LRRC8C: variants seen among roughly 807,000 people sequenced by gnomAD.
The protein encoded by LRRC8C is volume-regulated anion channel subunit LRRC8C.
In LRRC8C, 20 loss-of-function variants were observed where a neutral mutation model predicts 55.3. That is an observed-to-expected ratio of 0.36 (90% CI 0.25 to 0.53). LRRC8C has a LOEUF of 0.53. LRRC8C is among the 20% of genes least tolerant of loss of function. LRRC8C has a pLI of 0.92. For missense variants in LRRC8C, 659 were observed against 951.4 expected (o/e 0.69, Z 4.04); for synonymous variants, 376 against 360.7 (o/e 1.04, Z -0.48).
At chr1:89,662,701 C>A (rs1657151893) in intron 1 of LRRC8C, among the ~76,000 whole-genome samples, 1 of 152,024 alleles carries the variant, frequency 6.6e-6, no homozygotes, top group South Asian at 2.1e-4. Flanking sequence ...CCCTAAACTC[C>A]AGTAAGGGAC....
intron 1 of LRRC8C, among the ~76,000 whole-genome samples, chr1:89,677,853 C>G (rs1234605019): frequency 1.3e-5 from 2 of 152,202 alleles, no homozygotes; most frequent in Admixed American, 1.3e-4. Context: ...CAATAAAACA[C>G]AATCTACAGT....
At chr1:89,666,598 G>T (rs1657272005) in intron 1 of LRRC8C, among the ~76,000 whole-genome samples, 18 of 152,022 alleles carry the variant, frequency 1.2e-4, no homozygotes, top group Admixed American at 1.2e-3. Context: ...CCTAAACAGG[G>T]TGCAGGTATC....
At chr1:89,703,063 A>G (rs1002468536) in intron 2 of LRRC8C, among the ~76,000 whole-genome samples, 2 of 152,200 alleles carry the variant, frequency 1.3e-5, no homozygotes, top group African/African-American at 2.4e-5. Context: ...TTGAAGAAAT[A>G]TTTGCTTTAA....
In LRRC8C at chr1:89,651,193, T is replaced by G. The variant is rs143683803; in HGVS notation, c.-5+17871T>G. Among the ~76,000 whole-genome samples the G allele has an allele frequency of 2.1e-3, 320 of 152,290 alleles. 1 individual carries two copies. Among genetic ancestry groups the G allele is most frequent in the African/African-American group, 5.0e-3 (209 of 41,568 alleles). On this transcript the variant is annotated intron_variant, in intron 1 of 2. Coordinates refer to ENST00000370454, the MANE Select transcript of LRRC8C (RefSeq NM_032270.5). ...AAGCTGTGGCCCATGCATTTTGAGT[T>G]AGTGCAAACTGTTTTGGTATGGCCC...
chr1:89,655,006 C>T (rs1656901560), intron 1 of LRRC8C, among the ~76,000 whole-genome samples: 1 of 151,880 alleles, frequency 6.6e-6, no homozygotes, highest in Non-Finnish European at 1.5e-5. Context: ...CCATGCCCAG[C>T]TAGTCAGCAG....
chr1:89,709,950 A>G (rs867807810), intron 2 of LRRC8C, among the ~76,000 whole-genome samples: 15 of 151,818 alleles, frequency 9.9e-5, no homozygotes, highest in Non-Finnish European at 1.6e-4. Flanking sequence ...ACGGGGTTTC[A>G]CCGTGTTAGC....
At chr1:89,662,815 C>T (rs1056243924) in intron 1 of LRRC8C, among the ~76,000 whole-genome samples, 6 of 151,950 alleles carry the variant, frequency 3.9e-5, no homozygotes, top group African/African-American at 1.5e-4. Flanking sequence ...TATTATTTTC[C>T]TATGTTTCTT....
intron 1 of LRRC8C, among the ~76,000 whole-genome samples, chr1:89,650,582 C>T (rs1350442575): frequency 6.6e-6 from 1 of 152,044 alleles, no homozygotes; most frequent in African/African-American, 2.4e-5. Context: ...GGATATATTG[C>T]TCTACCTTTC....
chr1:89,705,704 C>T (rs1037557265), intron 2 of LRRC8C, among the ~76,000 whole-genome samples: 8 of 151,918 alleles, frequency 5.3e-5, no homozygotes, highest in Non-Finnish European at 7.4e-5. Flanking sequence ...TTCTTTAACC[C>T]GGGAGGTGGA....
the LRRC8C span, among the ~76,000 whole-genome samples, chr1:89,618,604 G>A: frequency 6.6e-6 from 1 of 152,218 alleles, no homozygotes; most frequent in Non-Finnish European, 1.5e-5. Flanking sequence ...AAAACTAGAG[G>A]AGAGACGTGG....
At chr1:89,700,974 A>T (rs1002041391) in intron 2 of LRRC8C, among the ~76,000 whole-genome samples, 4 of 152,204 alleles carry the variant, frequency 2.6e-5, no homozygotes, top group African/African-American at 9.6e-5. Flanking sequence ...TCTTCCTATA[A>T]CAATATAATC....
At chr1:89,638,917 T>C (rs151006071) in intron 1 of LRRC8C, among the ~76,000 whole-genome samples, 311 of 152,040 alleles carry the variant, frequency 2.0e-3, no homozygotes, top group African/African-American at 7.1e-3. Context: ...TAAATTGGTA[T>C]GTCTCTATTA....
intron 2 of LRRC8C, among the ~76,000 whole-genome samples, chr1:89,700,971 A>G (rs1570735767): frequency 6.6e-6 from 1 of 152,208 alleles, no homozygotes; most frequent in South Asian, 2.1e-4. Flanking sequence ...TCCTCTTCCT[A>G]TAACAATATA....
chr1:89,665,166 G>A (rs528369320), intron 1 of LRRC8C, among the ~76,000 whole-genome samples: 112 of 152,294 alleles, frequency 7.4e-4, no homozygotes, highest in African/African-American at 1.4e-3. Context: ...CCGATACTAC[G>A]TTGAATAGGA....
At chr1:89,647,547 G>A (rs989593380) in intron 1 of LRRC8C, among the ~76,000 whole-genome samples, 6 of 152,070 alleles carry the variant, frequency 3.9e-5, no homozygotes, top group Non-Finnish European at 7.4e-5. Context: ...TTGACTTGCC[G>A]CTTCTGAAAG....
intron 1 of LRRC8C, among the ~76,000 whole-genome samples, chr1:89,651,229 A>C (rs925963037): frequency 1.3e-5 from 2 of 152,164 alleles, no homozygotes; most frequent in African/African-American, 4.8e-5. Flanking sequence ...ACTTGCTGAG[A>C]TTGGCTTTTC....
In LRRC8C at chr1:89,718,768, G is replaced by A. The variant is rs1279129976; in HGVS notation, c.*3786G>A. The A allele has an allele frequency of 6.6e-6, 1 of 152,184 alleles. No homozygotes were observed. 9.4% of individuals were successfully genotyped at this position (152,184 alleles called of 1,614,324 possible). A position where few individuals can be genotyped will look rare whatever the true frequency, so the allele number is the denominator to read the frequency against. ...TCCTATGAATTCTGAATGTGATAATGTGATTCAAACAGTCAAATTTTATTA... is the reference window on the plus strand; with the variant it reads ...TCCTATGAATTCTGAATGTGATAATATGATTCAAACAGTCAAATTTTATTA... On this transcript the variant is annotated 3_prime_UTR_variant, in exon 3 of 3. Transcript: ENST00000370454.
chr1:89,620,971 A>G, the LRRC8C span, among the ~76,000 whole-genome samples: 1 of 152,218 alleles, frequency 6.6e-6, no homozygotes, highest in South Asian at 2.1e-4. Context: ...TGCAACTGAA[A>G]TGTGTATCAT....
chr1:89,703,469 G>T (rs548030985), intron 2 of LRRC8C, among the ~76,000 whole-genome samples: 18 of 150,812 alleles, frequency 1.2e-4, no homozygotes, highest in Middle Eastern at 3.4e-3. Flanking sequence ...TGAACCCAGG[G>T]AGAAGTTATA....
Sources: allele counts gnomAD v4.1 joint callset (sites outside exome capture counted in the v4.1 genomes callset), GRCh38; gene constraint gnomAD v4.1.1; transcripts MANE v1.5; gene names NCBI Gene and HGNC (gene_info 2026-07-23, HGNC 2026-07-21).